DDX52: variants seen among roughly 807,000 people sequenced by gnomAD.
DDX52 encodes the protein probable ATP-dependent RNA helicase DDX52.
In DDX52, 59 loss-of-function variants were observed where a neutral mutation model predicts 76.1. The observed-to-expected ratio is 0.78, with a 90% confidence interval of 0.63 to 0.96. The LOEUF (loss-of-function observed/expected upper bound fraction) is 0.96. Ranked by LOEUF, DDX52 falls within the 40% of genes least tolerant of loss-of-function variation. The pLI, the probability that DDX52 is intolerant of heterozygous loss-of-function variation, is 0.00. For synonymous variants in DDX52, 231 were observed against 244.1 expected (o/e 0.95, Z 0.50); for missense variants, 707 against 703.9 (o/e 1.00, Z -0.05).
chr17:37,621,645 T>C, intron 9 of DDX52, 125 bp from the exon 10 acceptor site: 3 of 1,270,810 alleles, frequency 2.4e-6, no homozygotes, highest in East Asian at 2.6e-5. Context: ...CCAAATTTCT[T>C]GGGCTAGTGG....
intron 4 of DDX52, 105 bp downstream of exon 4, chr17:37,632,008 A>C: frequency 6.6e-7 from 1 of 1,510,982 alleles, no homozygotes; most frequent in Admixed American, 1.7e-5. Context: ...AAGGATTTTA[A>C]CAGGGGAGAT....
chr17:37,622,805 CA>C (rs1249488958), intron 9 of DDX52, among the ~76,000 whole-genome samples: 1 of 152,084 alleles, frequency 6.6e-6, no homozygotes, highest in Non-Finnish European at 1.5e-5. Context: ...TTCCTAGTAC[CA>C]AATGATTCTC....
chr17:37,633,940 CTT>C (rs557054736), intron 2 of DDX52, among the ~76,000 whole-genome samples: 4,154 of 129,900 alleles, frequency 0.032, 62 homozygotes, highest in Middle Eastern at 0.11. Context: ...AATTTCTTTC[CTT>C]TTTTTTTTTT....
intron 14 of DDX52, among the ~76,000 whole-genome samples, chr17:37,617,092 T>A (rs1040925730): frequency 1.1e-4 from 17 of 152,232 alleles, no homozygotes; most frequent in Non-Finnish European, 2.5e-4. Flanking sequence ...TGTACACGAA[T>A]CTTCTTTACC....
At position 37,636,665 on chromosome 17, in the gene DDX52, G is replaced by A. The variant is rs545448668; in HGVS notation, c.287-3247C>T. 2.4e-3 allele frequency among the ~76,000 whole-genome samples: 367 copies of A among 152,332 alleles called. 1 individual carries two copies. The highest frequency in any genetic ancestry group is 6.8e-3 in the Middle Eastern group (2 of 294). On this transcript the variant is annotated intron_variant, in intron 2 of 14. Coordinates refer to ENST00000617633, the MANE Select transcript of DDX52 (RefSeq NM_007010.5). ...CCAAATTTACAGTGAAGCTTCGGTA[G>A]AAGAATAGTGAAATCACTGATGCTT...
chr17:37,621,263 G>A lies in DDX52; in HGVS notation c.1365C>T (p.Val455=), dbSNP rs2030072840. 6.2e-7 allele frequency: 1 copy of A among 1,612,294 alleles called. No homozygotes were observed. Among genetic ancestry groups the A allele is most frequent in the Non-Finnish European group, 8.5e-7 (1 of 1,179,492 alleles). ...AGATTTTTCCTGCTCTGAAACTGTG[G>A]ACTGTGTTATCTCTCTGGTTAACAG... The part of the protein sequence containing the change: ...ERTQQQRDNT[V]HSFRAGKIWV... Residue 455 remains valine, a synonymous_variant, in exon 11 of 15, where the codon GTC becomes GTT. Transcript: ENST00000617633.
chr17:37,626,060 A>C lies in DDX52; in HGVS notation c.971T>G (p.Phe324Cys). ...WLVVDESDKL[F>C]EDGKTGFRDQ... ...TCTGAACCCAGTTTTGCCATCTTCA[A>C]ACAGTTTATCTGATTCGTCTACTAC... Residue 324 changes from phenylalanine to cysteine, a missense_variant, in exon 8 of 15, where the codon TTT becomes TGT. Physicochemically the swap from Phe to Cys is radical, Grantham distance 205 (BLOSUM62 -2). Transcript: ENST00000617633. 2 of 1,614,164 alleles carry C rather than the reference A, an allele frequency of 1.2e-6. No homozygotes were observed. Among genetic ancestry groups the C allele is most frequent in the East Asian group, 4.5e-5 (2 of 44,886 alleles).
chr17:37,616,662 C>CAAAAAAAA (rs1188716926), intron 14 of DDX52, among the ~76,000 whole-genome samples: 1 of 122,444 alleles, frequency 8.2e-6, no homozygotes, highest in African/African-American at 3.1e-5. Context: ...GACTCCATCT[C>CAAAAAAAA]AAAAAAAAAA....
chr17:37,616,532 G>T (rs1170857004), intron 14 of DDX52, among the ~76,000 whole-genome samples: 3 of 151,904 alleles, frequency 2.0e-5, no homozygotes, highest in African/African-American at 7.3e-5. Context: ...GCGGGTGCCT[G>T]TAATCCCAGC....
At position 37,610,625 on chromosome 17, in the gene DDX52, A is replaced by G. The variant is rs1225678004; in HGVS notation, c.*3671T>C. ...ACAAACCACTGGTCAGGAACTGTAC[A>G]CGCATTTTAAAAAATCCTCAGTATC... On this transcript the variant is annotated 3_prime_UTR_variant, in exon 15 of 15. Transcript: ENST00000617633. The G allele has an allele frequency of 6.6e-6, 1 of 152,208 alleles. No homozygotes were observed. Among genetic ancestry groups the G allele is most frequent in the Non-Finnish European group, 1.5e-5 (1 of 68,032 alleles). The allele number at this position is 152,208 out of a possible 1,614,324, so 9.4% of individuals were successfully genotyped here.
intron 4 of DDX52, chr17:37,631,357 G>A (rs1175340540): frequency 6.6e-6 from 1 of 152,216 alleles, no homozygotes; most frequent in Non-Finnish European, 1.5e-5. Flanking sequence ...CAAAGTGAAA[G>A]AAACCAGAAA....
rs2064379565 is a variant in DDX52, at chr17:37,612,490, A to G, written c.*1806T>C. On this transcript the variant is annotated 3_prime_UTR_variant, in exon 15 of 15. Coordinates refer to ENST00000617633, the MANE Select transcript of DDX52 (RefSeq NM_007010.5). ...ACAGTAACATGCTATACGGGTTTGT[A>G]GCCTAGGAGCAACAGACTATACCAT... is the stretch of plus-strand genomic sequence containing the variant. 6.6e-6 allele frequency: 1 copy of G among 152,186 alleles called. No homozygotes were observed. Among genetic ancestry groups the G allele is most frequent in the Non-Finnish European group, 1.5e-5 (1 of 68,046 alleles). The allele number at this position is 152,186 out of a possible 1,614,324, so 9.4% of individuals were successfully genotyped here. A position where few individuals can be genotyped will look rare whatever the true frequency, so the allele number is the denominator to read the frequency against.
In DDX52 at chr17:37,642,325, G is replaced by A. The variant is rs1354065099; in HGVS notation, c.88-17C>T. 2 of 1,605,418 alleles carry A rather than the reference G, an allele frequency of 1.2e-6. No individual in the cohort carries two copies. Among genetic ancestry groups the A allele is most frequent in the South Asian group, 1.1e-5 (1 of 90,334 alleles). The stretch of plus-strand genomic sequence containing the variant: ...TTTTCCTATCTAAAACCCAAAAAAT[G>A]TAAAATGAAACCTACTGACAGAATA... On this transcript the variant is annotated splice_polypyrimidine_tract_variant and intron_variant, in intron 1 of 14. Transcript: ENST00000617633.
intron 9 of DDX52, among the ~76,000 whole-genome samples, chr17:37,622,268 C>T (rs8081104): frequency 0.32 from 48,495 of 151,492 alleles, 9,264 homozygotes; most frequent in African/African-American, 0.52. Context: ...TCTTTTTAAC[C>T]GTTCATATTA....
Position 37,618,375 on chromosome 17 carries a change from CT to C in DDX52, c.1658del (p.Lys553ArgfsTer4). On this transcript the variant is annotated frameshift_variant, in exon 14 of 15. Transcript: ENST00000617633. LOFTEE classifies it high-confidence loss of function. ...CCAATGGTTTCTTAATCATCTTTTT[CT>C]TTTGTTTGCTGAAAGTTACAAAGTA... The part of the protein sequence containing the change: ...KGFQKLLSKQ[K>X]KKMIKKPLER... 1 of 1,581,938 alleles carries C rather than the reference CT, an allele frequency of 6.3e-7. No individual in the cohort carries two copies. The highest frequency in any genetic ancestry group is 1.2e-5 in the South Asian group (1 of 84,134).
Position 37,621,416 on chromosome 17 carries a change from T to C in DDX52, c.1332A>G (p.Ala444=). ...YEGINVDVIH[A]ERTQQQRDNT... ...ACTTTACCTGTTGTTGTGTTCTCTC[T>C]GCATGAATAACATCCACATTAATAC... Residue 444 remains alanine, a synonymous_variant, in exon 10 of 15, where the codon GCA becomes GCG. Transcript: ENST00000617633. The C allele has an allele frequency of 1.2e-6, 2 of 1,613,226 alleles. No homozygotes were observed. Among genetic ancestry groups the C allele is most frequent in the South Asian group, 1.1e-5 (1 of 90,706 alleles).
intron 2 of DDX52, among the ~76,000 whole-genome samples, chr17:37,633,950 T>G (rs1370630367): frequency 6.7e-6 from 1 of 150,274 alleles, no homozygotes; most frequent in Non-Finnish European, 1.5e-5. Context: ...CTTTTTTTTT[T>G]TTTTTTTTTG....
In DDX52 at chr17:37,619,755, T is replaced by C. The variant is rs767938741; in HGVS notation, c.1649+13A>G. On this transcript the variant is annotated intron_variant, in intron 13 of 14. Transcript: ENST00000617633. Reference sequence around the variant, plus strand: ...AGAGACAGACAAAGATACAGGTAAATTCAAGATTGTACCTTAGTAGTTTCT... The same window carrying C: ...AGAGACAGACAAAGATACAGGTAAACTCAAGATTGTACCTTAGTAGTTTCT... 11 of 1,603,966 alleles carry C rather than the reference T, an allele frequency of 6.9e-6. No homozygotes were observed. The highest frequency in any genetic ancestry group is 9.4e-6 in the Non-Finnish European group (11 of 1,174,904).
chr17:37,639,349 C>T (rs765715436), intron 2 of DDX52: 494 of 982,602 alleles, frequency 5.0e-4, no homozygotes, highest in Non-Finnish European at 5.6e-4. Context: ...AGTAGAATAA[C>T]TTTAAAAAAA....
Sources: gnomAD v4.1 joint callset for allele counts (sites outside exome capture counted in the v4.1 genomes callset) on GRCh38, gnomAD v4.1.1 for gene constraint, MANE v1.5 for transcripts, NCBI Gene and HGNC (gene_info 2026-07-23, HGNC 2026-07-21) for gene names.